SCIN: variants seen among roughly 807,000 people sequenced by gnomAD.
The protein encoded by SCIN is adseverin.
Under a neutral mutation model 91.8 loss-of-function variants are expected in SCIN, and 91 were observed. The ratio of observed to expected loss-of-function variants is 0.99; its 90% CI spans 0.84 to 1.18. The LOEUF (loss-of-function observed/expected upper bound fraction) is 1.18. SCIN is among the 50% of genes most tolerant of loss of function. The pLI, the probability that SCIN is intolerant of heterozygous loss-of-function variation, is 0.00. For missense variants in SCIN, 1,087 were observed against 863.9 expected (o/e 1.26, Z -3.24); for synonymous variants, 367 against 312.6 (o/e 1.17, Z -1.84).
intron 3 of SCIN, 110 bp downstream of exon 3, chr7:12,581,331 G>T: frequency 9.1e-7 from 1 of 1,104,120 alleles, no homozygotes; most frequent in Non-Finnish European, 1.3e-6. Flanking sequence ...ACCAGAAAGG[G>T]GCCACGTTTA....
At chr7:12,615,155 T>C (rs1783273161) in intron 4 of SCIN, among the ~76,000 whole-genome samples, 2 of 152,304 alleles carry the variant, frequency 1.3e-5, no homozygotes, top group South Asian at 4.1e-4. Flanking sequence ...GCCAGAAATG[T>C]TTGATAATTA....
intron 14 of SCIN, among the ~76,000 whole-genome samples, chr7:12,650,432 A>G (rs1433330305): frequency 2.0e-5 from 3 of 152,006 alleles, no homozygotes; most frequent in African/African-American, 7.2e-5. Context: ...TTTGCAGTCA[A>G]CTCCTGTTTC....
intron 4 of SCIN, chr7:12,610,899 A>T (rs1223999147): frequency 6.6e-6 from 1 of 152,230 alleles, no homozygotes; most frequent in Admixed American, 6.5e-5. Flanking sequence ...GGTAGGAAAC[A>T]TGTAGCTAGT....
At chr7:12,595,460 C>G (rs1003061470) in intron 3 of SCIN, 35 of 116,188 alleles carry the variant, frequency 3.0e-4, no homozygotes, top group African/African-American at 1.1e-3. Flanking sequence ...GGGTAAGAGT[C>G]TGTTGCATTG....
intron 13 of SCIN, among the ~76,000 whole-genome samples, chr7:12,646,092 G>A (rs1056305146): frequency 6.6e-6 from 1 of 152,184 alleles, no homozygotes; most frequent in Non-Finnish European, 1.5e-5. Flanking sequence ...TATATATGCA[G>A]TTACAAATTA....
chr7:12,589,375 C>CGTGGT (rs916762323), intron 3 of SCIN: 18 of 152,206 alleles, frequency 1.2e-4, no homozygotes, highest in African/African-American at 3.9e-4. Context: ...AGCTGCCGGC[C>CGTGGT]ACCACGCCCG....
intron 13 of SCIN, among the ~76,000 whole-genome samples, chr7:12,646,001 G>A (rs558210427): frequency 4.6e-5 from 7 of 151,954 alleles, no homozygotes; most frequent in African/African-American, 7.3e-5. Flanking sequence ...ATTTCCCAGC[G>A]GAGTAAAAAT....
Position 12,581,124 on chromosome 7 carries a change from T to G in SCIN, c.419T>G (p.Leu140Arg). Residue 140 changes from leucine (L) to arginine (R), a missense_variant, in exon 3 of 16, where the codon CTA becomes CGA. Coordinates refer to ENST00000297029, the MANE Select transcript of SCIN (RefSeq NM_001112706.3). ...AACGACCTGACAGCCAAGAGGCTCC[T>G]ACATGTGAAGGGTCGTAGAGTGGTG... ...LTNDLTAKRLLHVKGRRVVRA... is the reference protein window; with the variant it reads ...LTNDLTAKRLRHVKGRRVVRA... The G allele has an allele frequency of 6.4e-7, 1 of 1,551,486 alleles. No individual in the cohort carries two copies. Among genetic ancestry groups the G allele is most frequent in the Non-Finnish European group, 8.7e-7 (1 of 1,146,816 alleles).
intron 3 of SCIN, among the ~76,000 whole-genome samples, chr7:12,595,051 G>GAA (rs921029264): frequency 5.3e-5 from 8 of 152,010 alleles, no homozygotes; most frequent in African/African-American, 1.9e-4. Context: ...GAGAGAGAGA[G>GAA]AATCCTCTAA....
intron 4 of SCIN, among the ~76,000 whole-genome samples, chr7:12,615,619 C>T (rs976734496): frequency 6.6e-6 from 1 of 152,186 alleles, no homozygotes; most frequent in Admixed American, 6.5e-5. Context: ...TGGCTTACCC[C>T]TTTGTTTTTT....
intron 4 of SCIN, among the ~76,000 whole-genome samples, chr7:12,610,871 AGTGAAAGTGCTTCACACG>A (rs2115258022): frequency 6.6e-6 from 1 of 152,322 alleles, no homozygotes; most frequent in East Asian, 1.9e-4. Flanking sequence ...ATATACTCCA[AGTGAAAGTGCTTCACACG>A]GTAGGAAACA....
intron 3 of SCIN, among the ~76,000 whole-genome samples, chr7:12,590,447 GA>G (rs1394033072): frequency 6.6e-6 from 1 of 152,076 alleles, no homozygotes; most frequent in Non-Finnish European, 1.5e-5. Context: ...GAAATAGGGT[GA>G]AGGAGTAGGT....
chr7:12,629,329 T>C, intron 9 of SCIN, 107 bp downstream of exon 9: 1 of 1,126,236 alleles, frequency 8.9e-7, no homozygotes, highest in South Asian at 1.9e-5. Context: ...ATCATCCCAG[T>C]GAGATTTGTA....
intron 13 of SCIN, among the ~76,000 whole-genome samples, chr7:12,644,993 C>T (rs569994108): frequency 1.7e-5 from 2 of 120,798 alleles, no homozygotes; most frequent in African/African-American, 6.6e-5. Context: ...CCACTCCAGC[C>T]TGGGCAACAA....
chr7:12,621,926 A>C (rs1783419047), intron 4 of SCIN, among the ~76,000 whole-genome samples: 1 of 151,844 alleles, frequency 6.6e-6, no homozygotes, highest in South Asian at 2.1e-4. Flanking sequence ...ACATTATGTA[A>C]GGAACTTATT....
chr7:12,637,905 G>A (rs1052986675), intron 10 of SCIN, among the ~76,000 whole-genome samples: 22 of 152,204 alleles, frequency 1.4e-4, no homozygotes, highest in Admixed American at 5.9e-4. Context: ...ATAATATGCT[G>A]TTTTATTTAT....
chr7:12,630,620 C>T (rs938676739), intron 9 of SCIN, among the ~76,000 whole-genome samples: 3 of 152,186 alleles, frequency 2.0e-5, no homozygotes, highest in African/African-American at 4.8e-5. Flanking sequence ...TTTAGCTCTG[C>T]GATTAACATG....
At chr7:12,648,036 A>G (rs924572927) in intron 13 of SCIN, among the ~76,000 whole-genome samples, 1 of 152,120 alleles carries the variant, frequency 6.6e-6, no homozygotes, top group Non-Finnish European at 1.5e-5. Context: ...CTCCTGCGTA[A>G]GGATCAGGGG....
intron 3 of SCIN, among the ~76,000 whole-genome samples, chr7:12,582,050 T>G (rs547279435): frequency 1.3e-5 from 2 of 152,312 alleles, no homozygotes; most frequent in East Asian, 3.9e-4. Flanking sequence ...CTCAACATTC[T>G]AATTATCATT....
Sources: gnomAD v4.1 joint callset for allele counts (sites outside exome capture counted in the v4.1 genomes callset) on GRCh38, gnomAD v4.1.1 for gene constraint, MANE v1.5 for transcripts, NCBI Gene and HGNC (gene_info 2026-07-23, HGNC 2026-07-21) for gene names.